The following FAAH2 variants were observed in gnomAD, a reference collection of about 807,000 sequenced individuals.
FAAH2 encodes fatty-acid amide hydrolase 2.
FAAH2 carries 60 observed loss-of-function variants against 36.9 expected under a neutral mutation model. The ratio of observed to expected loss-of-function variants is 1.63; its 90% CI spans 1.32 to 2.02. The LOEUF (loss-of-function observed/expected upper bound fraction) is 2.02. FAAH2 is among the 30% of genes most tolerant of loss of function. The probability of loss-of-function intolerance (pLI) is 0.00; values close to 1 mark genes in which losing one functional copy is unlikely to be tolerated. For synonymous variants in FAAH2, 214 were observed against 143.8 expected (o/e 1.49, Z -3.49); for missense variants, 689 against 397.5 (o/e 1.73, Z -6.23).
intron 10 of FAAH2, among the ~76,000 whole-genome samples, chrX:57,466,006 A>C (rs2057040151): frequency 9.2e-6 from 1 of 109,275 alleles, no homozygotes; most frequent in Non-Finnish European, 1.9e-5. Flanking sequence ...AAGCAGGTTA[A>C]TGCAAAAGAC....
rs753461754 is a variant in FAAH2, at chrX:57,289,965, G to C, written c.193-2533G>C. Among the ~76,000 whole-genome samples the C allele has an allele frequency of 3.7e-4, 41 of 110,956 alleles. No homozygotes were observed. In the South Asian group the frequency reaches 6.6e-3, roughly 18 times the overall value. On this transcript the variant is annotated intron_variant, in intron 1 of 10. Transcript: ENST00000374900. ...TGTACCTAGTCTTCATTTCTCTTAC[G>C]ACAGCAAGGTTCATTTGGAATAAGC... is the stretch of plus-strand genomic sequence containing the variant.
chrX:57,252,842 CA>C, the FAAH2 span, among the ~76,000 whole-genome samples: 1 of 112,094 alleles, frequency 8.9e-6, no homozygotes, highest in Non-Finnish European at 1.9e-5. Flanking sequence ...TTCTAAAAAC[CA>C]GAATGCCTCC....
chrX:57,486,609 G>T (rs898291890), intron 10 of FAAH2, among the ~76,000 whole-genome samples: 3 of 111,397 alleles, frequency 2.7e-5, no homozygotes, highest in Non-Finnish European at 5.7e-5. Flanking sequence ...AGGTGCCCTA[G>T]CTCTGCTGGT....
chrX:57,461,554 G>T (rs968459444), intron 10 of FAAH2, among the ~76,000 whole-genome samples: 1 of 111,307 alleles, frequency 9.0e-6, no homozygotes, highest in African/African-American at 3.3e-5. Flanking sequence ...AATGACTACT[G>T]GGTAAATAAC....
chrX:57,397,025 A>G (rs1277009682), intron 7 of FAAH2, among the ~76,000 whole-genome samples: 1 of 111,541 alleles, frequency 9.0e-6, no homozygotes, highest in African/African-American at 3.3e-5. Context: ...TTGGGTGCAT[A>G]TATATTTAGG....
the FAAH2 span, among the ~76,000 whole-genome samples, chrX:57,133,252 GTA>G: frequency 3.8e-3 from 425 of 112,702 alleles, no homozygotes; most frequent in African/African-American, 0.012. Flanking sequence ...CTCCATGAGG[GTA>G]AGAATTTTAG....
At chrX:57,229,119 C>T in the FAAH2 span, 1 of 111,243 alleles carries the variant, frequency 9.0e-6, no homozygotes, top group South Asian at 3.8e-4. Context: ...AAATAGAATT[C>T]TGCTCACTAC....
chrX:57,271,203 A>G, the FAAH2 span, among the ~76,000 whole-genome samples: 2 of 112,850 alleles, frequency 1.8e-5, no homozygotes, highest in Non-Finnish European at 3.7e-5. Context: ...ATCACAGTGT[A>G]AACAAAGCTT....
the FAAH2 span, among the ~76,000 whole-genome samples, chrX:57,273,175 C>T: frequency 9.8e-5 from 11 of 111,969 alleles, no homozygotes; most frequent in African/African-American, 3.6e-4. Context: ...AAGGGCATTA[C>T]ATTTTGGTGA....
the FAAH2 span, among the ~76,000 whole-genome samples, chrX:57,196,164 G>A: frequency 1.8e-5 from 2 of 112,054 alleles, no homozygotes; most frequent in African/African-American, 3.2e-5. Flanking sequence ...GATGGGAATT[G>A]CATTGAATTT....
intron 7 of FAAH2, among the ~76,000 whole-genome samples, chrX:57,431,329 T>A (rs141461894): frequency 2.8e-3 from 314 of 111,723 alleles, no homozygotes; most frequent in African/African-American, 9.6e-3. Flanking sequence ...GAGCTTAAGT[T>A]GTATTTTATT....
intron 10 of FAAH2, among the ~76,000 whole-genome samples, chrX:57,450,813 T>C (rs2056769851): frequency 9.0e-6 from 1 of 110,918 alleles, no homozygotes; most frequent in Non-Finnish European, 1.9e-5. Flanking sequence ...ATGTGTAGAG[T>C]GCTTTAAAAT....
intron 3 of FAAH2, among the ~76,000 whole-genome samples, chrX:57,324,367 T>C (rs1384373891): frequency 8.9e-6 from 1 of 112,272 alleles, no homozygotes; most frequent in Non-Finnish European, 1.9e-5. Flanking sequence ...TTTTTTCCAA[T>C]TCTGTGAAGA....
chrX:57,455,915 G>T (rs1380526525), intron 10 of FAAH2, among the ~76,000 whole-genome samples: 2 of 111,780 alleles, frequency 1.8e-5, no homozygotes, highest in South Asian at 3.7e-4. Context: ...AACTAACAAA[G>T]AAATTCTGGA....
intron 8 of FAAH2, among the ~76,000 whole-genome samples, chrX:57,440,572 T>C (rs2056528639): frequency 9.0e-6 from 1 of 111,520 alleles, no homozygotes; most frequent in South Asian, 3.7e-4. Flanking sequence ...CTTCCTCTTT[T>C]ACTAATTGAA....
the FAAH2 span, among the ~76,000 whole-genome samples, chrX:57,219,173 A>G: frequency 8.9e-6 from 1 of 111,987 alleles, no homozygotes; most frequent in Non-Finnish European, 1.9e-5. Context: ...AGGAGACTGT[A>G]AAACATTTGT....
chrX:57,436,322 C>A (rs1330400305), intron 8 of FAAH2, among the ~76,000 whole-genome samples: 3 of 108,106 alleles, frequency 2.8e-5, no homozygotes, highest in African/African-American at 1.0e-4. Flanking sequence ...AACACAAGAA[C>A]AAACTAAACC....
the FAAH2 span, among the ~76,000 whole-genome samples, chrX:57,189,964 G>A: frequency 8.9e-6 from 1 of 112,276 alleles, no homozygotes; most frequent in Non-Finnish European, 1.9e-5. Flanking sequence ...TTCAGAGCTA[G>A]CATGCAGGAA....
intron 1 of FAAH2, among the ~76,000 whole-genome samples, chrX:57,289,091 A>G (rs750339476): frequency 8.9e-6 from 1 of 112,401 alleles, no homozygotes; most frequent in South Asian, 3.7e-4. Flanking sequence ...TTGAATCTTC[A>G]TAATGACATT....
Sources: allele counts gnomAD v4.1 joint callset (sites outside exome capture counted in the v4.1 genomes callset), GRCh38; gene constraint gnomAD v4.1.1; transcripts MANE v1.5; gene names NCBI Gene and HGNC (gene_info 2026-07-23, HGNC 2026-07-21).